HPSE2: variants seen among roughly 807,000 people sequenced by gnomAD.
The protein encoded by HPSE2 is inactive heparanase-2.
In HPSE2, 38 loss-of-function variants were observed where a neutral mutation model predicts 60.5. The observed-to-expected ratio is 0.63, with a 90% CI of 0.48 to 0.82. The LOEUF (loss-of-function observed/expected upper bound fraction) is 0.82, where lower values mean the gene tolerates loss of function less well. HPSE2 is among the 40% of genes least tolerant of loss of function. HPSE2 has a pLI of 0.00. For missense variants in HPSE2, 713 were observed against 740.4 expected (o/e 0.96, Z 0.43); for synonymous variants, 295 against 293.2 (o/e 1.01, Z -0.06).
intron 6 of HPSE2, among the ~76,000 whole-genome samples, chr10:98,662,316 G>GTGAACATA (rs1947246549): frequency 6.6e-6 from 1 of 152,160 alleles, no homozygotes; most frequent in African/African-American, 2.4e-5. Flanking sequence ...GAAGACCACA[G>GTGAACATA]TGAACATACA....
intron 2 of HPSE2, among the ~76,000 whole-genome samples, chr10:99,197,060 G>C (rs1370591110): frequency 6.6e-6 from 1 of 152,164 alleles, no homozygotes; most frequent in African/African-American, 2.4e-5. Flanking sequence ...ATGAGATTCA[G>C]TCCTTTGCAA....
chr10:99,021,872 G>A (rs1957271232), intron 3 of HPSE2, among the ~76,000 whole-genome samples: 1 of 151,312 alleles, frequency 6.6e-6, no homozygotes, highest in Non-Finnish European at 1.5e-5. Flanking sequence ...AAATCAGGGA[G>A]GCACTCATTG....
At chr10:99,150,833 A>T (rs1301243218) in intron 2 of HPSE2, among the ~76,000 whole-genome samples, 1 of 152,182 alleles carries the variant, frequency 6.6e-6, no homozygotes, top group Non-Finnish European at 1.5e-5. Flanking sequence ...AAATAAAGTG[A>T]AAAAGACCTA....
intron 3 of HPSE2, among the ~76,000 whole-genome samples, chr10:99,092,167 A>G (rs1843536914): frequency 6.6e-6 from 1 of 152,196 alleles, no homozygotes; most frequent in Admixed American, 6.5e-5. Flanking sequence ...TAAGTCCTAT[A>G]GGAAAAACTG....
intron 3 of HPSE2, among the ~76,000 whole-genome samples, chr10:98,976,307 G>T (rs1483122175): frequency 6.6e-6 from 1 of 152,122 alleles, no homozygotes; most frequent in Non-Finnish European, 1.5e-5. Flanking sequence ...CATATTAAGT[G>T]CTTACTATGT....
rs112123672 is a variant in HPSE2 at position 98,594,258 on chromosome 10, T to C, written c.1320+20646A>G. ...ACTTAAAACTATTCCTCTTATGGAA[T>C]TGACATTTTGTATCCTTTGACTAAC... is the stretch of plus-strand genomic sequence containing the variant. On this transcript the variant is annotated intron_variant, in intron 9 of 11. Transcript: ENST00000370552. 4.4e-3 allele frequency among the ~76,000 whole-genome samples: 675 copies of C among 152,208 alleles called. 3 individuals are homozygous for C. The highest frequency in any genetic ancestry group is 0.015 in the African/African-American group (629 of 41,520).
the HPSE2 span, among the ~76,000 whole-genome samples, chr10:99,301,522 C>A: frequency 6.6e-6 from 1 of 152,334 alleles, no homozygotes; most frequent in Middle Eastern, 3.4e-3. Flanking sequence ...GGCTTCCCAG[C>A]CACATGGAAC....
chr10:98,825,328 G>T (rs138895796), intron 3 of HPSE2, among the ~76,000 whole-genome samples: 138 of 150,048 alleles, frequency 9.2e-4, no homozygotes, highest in African/African-American at 3.3e-3. Flanking sequence ...AACAAAGGCT[G>T]GGATGGATAT....
intron 9 of HPSE2, among the ~76,000 whole-genome samples, chr10:98,610,858 C>A (rs751133836): frequency 7.2e-5 from 11 of 152,116 alleles, no homozygotes; most frequent in African/African-American, 2.7e-4. Context: ...AAGAAGATGT[C>A]GACTAGTAAT....
chr10:98,511,339 A>G (rs1942387450), intron 9 of HPSE2, among the ~76,000 whole-genome samples: 1 of 152,026 alleles, frequency 6.6e-6, no homozygotes, highest in African/African-American at 2.4e-5. Flanking sequence ...TTTAGTAGAG[A>G]CAGGGTTTCA....
intron 3 of HPSE2, among the ~76,000 whole-genome samples, chr10:98,752,042 T>C (rs192905410): frequency 3.8e-4 from 58 of 152,346 alleles, no homozygotes; most frequent in Non-Finnish European, 5.7e-4. Flanking sequence ...GTCTATTCCA[T>C]GTATATTTTG....
At chr10:98,586,260 T>C (rs1013309395) in intron 9 of HPSE2, among the ~76,000 whole-genome samples, 1 of 152,190 alleles carries the variant, frequency 6.6e-6, no homozygotes, top group Non-Finnish European at 1.5e-5. Flanking sequence ...TATTTTGACA[T>C]ATTTCTGAGT....
At chr10:99,203,004 T>C (rs1196014180) in intron 2 of HPSE2, among the ~76,000 whole-genome samples, 1 of 152,144 alleles carries the variant, frequency 6.6e-6, no homozygotes, top group African/African-American at 2.4e-5. Flanking sequence ...TAAAGTCCAG[T>C]GCTGGACAGG....
At chr10:98,509,845 T>G (rs1288432075) in intron 9 of HPSE2, among the ~76,000 whole-genome samples, 1 of 152,056 alleles carries the variant, frequency 6.6e-6, no homozygotes, top group Admixed American at 6.6e-5. Context: ...GAGGTTGGGA[T>G]GGCTGCTGGT....
chr10:99,233,827 G>C (rs899445875), intron 1 of HPSE2, among the ~76,000 whole-genome samples: 3 of 152,130 alleles, frequency 2.0e-5, no homozygotes, highest in African/African-American at 7.2e-5. Context: ...CAAAGGAGAC[G>C]TCCGCGCGAA....
intron 3 of HPSE2, among the ~76,000 whole-genome samples, chr10:99,076,222 T>G (rs1035190294): frequency 2.0e-5 from 3 of 152,040 alleles, no homozygotes; most frequent in African/African-American, 7.2e-5. Context: ...ATAGGTGTTT[T>G]CTTTGTGAAT....
intron 2 of HPSE2, among the ~76,000 whole-genome samples, chr10:99,152,280 C>T (rs893773219): frequency 1.4e-5 from 2 of 145,284 alleles, no homozygotes; most frequent in Non-Finnish European, 3.0e-5. Flanking sequence ...CACTGCACTT[C>T]GGCCTGGACA....
At chr10:98,723,959 T>C (rs1019677375) in intron 4 of HPSE2, among the ~76,000 whole-genome samples, 6 of 152,216 alleles carry the variant, frequency 3.9e-5, no homozygotes, top group Admixed American at 2.6e-4. Context: ...TGTGTCTCTA[T>C]TTCCTTCAGT....
intron 3 of HPSE2, among the ~76,000 whole-genome samples, chr10:98,795,767 C>G (rs1950766132): frequency 6.6e-6 from 1 of 152,198 alleles, no homozygotes; most frequent in Non-Finnish European, 1.5e-5. Flanking sequence ...GAAAGTGACT[C>G]CTTCCTTCTA....
Sources: gnomAD v4.1 joint callset for allele counts (sites outside exome capture counted in the v4.1 genomes callset) on GRCh38, gnomAD v4.1.1 for gene constraint, MANE v1.5 for transcripts, NCBI Gene and HGNC (gene_info 2026-07-23, HGNC 2026-07-21) for gene names.